DNAJC17: variants seen among roughly 807,000 people sequenced by gnomAD.
DNAJC17 encodes DnaJ heat shock protein family (Hsp40) member C17, also known as dnaJ homolog subfamily C member 17.
Under a neutral mutation model 48.1 loss-of-function variants are expected in DNAJC17, and 35 were observed. That is an observed-to-expected ratio of 0.73 (90% confidence interval 0.56 to 0.96). The LOEUF (loss-of-function observed/expected upper bound fraction) is 0.96, where lower values mean the gene tolerates loss of function less well. Among genes scored for constraint, DNAJC17 ranks in the 50% least tolerant of loss-of-function variants. The pLI, the probability that DNAJC17 is intolerant of heterozygous loss-of-function variation, is 0.00. For missense variants in DNAJC17, 355 were observed against 377.1 expected (o/e 0.94, Z 0.48); for synonymous variants, 117 against 142.7 (o/e 0.82, Z 1.28).
At chr15:40,775,337 A>G in intron 7 of DNAJC17, 1 of 713,114 alleles carries the variant, frequency 1.4e-6, no homozygotes, top group Non-Finnish European at 2.4e-6. Context: ...GAGGGCTTCT[A>G]GAGAATCCTC....
chr15:40,777,884 G>T (rs1486362000), intron 4 of DNAJC17, among the ~76,000 whole-genome samples: 1 of 152,066 alleles, frequency 6.6e-6, no homozygotes, highest in Non-Finnish European at 1.5e-5. Context: ...AAAAATCATT[G>T]AAGTGTACAC....
intron 1 of DNAJC17, among the ~76,000 whole-genome samples, chr15:40,805,031 G>C (rs890399652): frequency 6.6e-6 from 1 of 151,696 alleles, no homozygotes; most frequent in Non-Finnish European, 1.5e-5. Context: ...TTCCCACTTG[G>C]ATCTTTTGTG....
intron 1 of DNAJC17, among the ~76,000 whole-genome samples, chr15:40,791,153 T>C (rs1172766510): frequency 6.6e-6 from 1 of 151,966 alleles, no homozygotes; most frequent in East Asian, 1.9e-4. Context: ...GCCTGGACAA[T>C]GTAGGGAGAC....
At chr15:40,799,459 G>C (rs772943212) in intron 1 of DNAJC17, among the ~76,000 whole-genome samples, 11 of 152,056 alleles carry the variant, frequency 7.2e-5, no homozygotes, top group Non-Finnish European at 1.3e-4. Flanking sequence ...CTTTTGGCCT[G>C]CTAGGTTTGT....
chr15:40,775,636 G>A, intron 6 of DNAJC17, 40 bp from the exon 7 acceptor site: 1 of 1,596,286 alleles, frequency 6.3e-7, no homozygotes, highest in Middle Eastern at 1.7e-4. Context: ...GAATATGAGG[G>A]AGTCAGAGAT....
At chr15:40,780,029 C>A in intron 1 of DNAJC17, 32 bp from the exon 2 acceptor site, 1 of 1,604,552 alleles carries the variant, frequency 6.2e-7, no homozygotes, top group Non-Finnish European at 8.5e-7. Context: ...CATGGCCATT[C>A]ACTCTCATCC....
Position 40,770,476 on chromosome 15 carries a change from T to G in DNAJC17, c.793-2414A>C. 6.5e-7 allele frequency: 1 copy of G among 1,537,704 alleles called. No homozygotes were observed. The highest frequency in any genetic ancestry group is 8.8e-7 in the Non-Finnish European group (1 of 1,141,156). ...CCCTGGCTGCTCCTGAACACCTGTC[T>G]GCTGGCTCCCCTGGGCCCCATGGAG... On this transcript the variant is annotated intron_variant, in intron 10 of 10. Transcript: ENST00000220496. This position sits in a 1 kb window ranked among gnomAD's most constrained non-coding sequence, Gnocchi z 5.0.
In DNAJC17 at chr15:40,775,028, G is replaced by A. The variant is rs199719413; in HGVS notation, c.600+3C>T. 1.9e-5 allele frequency: 31 copies of A among 1,614,046 alleles called. No homozygotes were observed. Among genetic ancestry groups the A allele is most frequent in the South Asian group, 3.3e-5 (3 of 91,084 alleles). ...GGAAAGAGTGGACGTCAACAGGGCC[G>A]ACCTTCTGCAAAAGCCGTAGGAGGA... On this transcript the variant is annotated splice_donor_region_variant and intron_variant, in intron 8 of 10. Coordinates refer to ENST00000220496, the MANE Select transcript of DNAJC17 (RefSeq NM_018163.3).
chr15:40,774,261 G>A (rs1196813410), intron 9 of DNAJC17, 95 bp downstream of exon 9: 1 of 1,397,958 alleles, frequency 7.2e-7, no homozygotes, highest in East Asian at 2.3e-5. Flanking sequence ...TTCCCTAGGA[G>A]TGCAGACCAC....
chr15:40,767,589 G>A lies in DNAJC17; in HGVS notation c.*351C>T, dbSNP rs927421933. Reference sequence around the variant, plus strand: ...CCCTCCTGCTTCGGGCCTGGGCCGAGGGCCTTGTGTAGGCCATGTTCCTCG... The same window carrying A: ...CCCTCCTGCTTCGGGCCTGGGCCGAAGGCCTTGTGTAGGCCATGTTCCTCG... On this transcript the variant is annotated 3_prime_UTR_variant, in exon 11 of 11. Transcript: ENST00000220496. The A allele has an allele frequency of 2.9e-5, 17 of 595,884 alleles. No homozygotes were observed. The South Asian group carries it at 4.0e-4, about 14-fold the overall frequency. The allele number at this position is 595,884 out of a possible 1,614,324, so 36.9% of individuals were successfully genotyped here.
At chr15:40,786,641 C>T (rs907191913) in intron 1 of DNAJC17, among the ~76,000 whole-genome samples, 2 of 152,304 alleles carry the variant, frequency 1.3e-5, no homozygotes, top group Non-Finnish European at 2.9e-5. Flanking sequence ...GTCTCTCTAG[C>T]GCTTAGAAAC....
In DNAJC17 at chr15:40,767,725, G is replaced by T; in HGVS notation, c.*215C>A. 1.5e-6 allele frequency: 1 copy of T among 681,178 alleles called. No homozygotes were observed. The highest frequency in any genetic ancestry group is 2.4e-6 in the Non-Finnish European group (1 of 420,684). 42.2% of individuals were successfully genotyped at this position (681,178 alleles called of 1,614,324 possible). ...TGATGAGTGGCTGCGCCTGTGCTCT[G>T]CTTGTGCACGGACTCTGGGACTCTC... On this transcript the variant is annotated 3_prime_UTR_variant, in exon 11 of 11. Coordinates refer to ENST00000220496, the MANE Select transcript of DNAJC17 (RefSeq NM_018163.3).
chr15:40,789,223 T>A (rs1423915212), intron 1 of DNAJC17, among the ~76,000 whole-genome samples: 1 of 152,134 alleles, frequency 6.6e-6, no homozygotes, highest in East Asian at 1.9e-4. Flanking sequence ...ACACGGAGCC[T>A]GGCCTGCTTC....
intron 1 of DNAJC17, among the ~76,000 whole-genome samples, chr15:40,781,153 GAAA>G (rs11337976): frequency 0.058 from 5,192 of 88,918 alleles, 337 homozygotes; most frequent in African/African-American, 0.2. Context: ...CTCCATCTCA[GAAA>G]AAAAAAAAAA....
intron 1 of DNAJC17, among the ~76,000 whole-genome samples, chr15:40,797,648 G>A (rs1421375790): frequency 1.3e-5 from 2 of 151,278 alleles, no homozygotes; most frequent in African/African-American, 4.9e-5. Flanking sequence ...CTGACCTTGG[G>A]TGATGCACCT....
chr15:40,794,409 T>C (rs1335189981), intron 1 of DNAJC17, among the ~76,000 whole-genome samples: 2 of 151,888 alleles, frequency 1.3e-5, no homozygotes, highest in South Asian at 2.1e-4. Flanking sequence ...CAGTGGCTCA[T>C]GCCTGTAATC....
chr15:40,777,672 C>T (rs550336641), intron 4 of DNAJC17, among the ~76,000 whole-genome samples: 200 of 150,754 alleles, frequency 1.3e-3, no homozygotes, highest in Middle Eastern at 3.6e-3. Context: ...GAGCCGAGAT[C>T]GTGCCACTGC....
At position 40,769,349 on chromosome 15, in the gene DNAJC17, G is replaced by A. The variant is rs865810158; in HGVS notation, c.793-1287C>T. ...CAACACGGCCCGGCCTTCAGCAGCC[G>A]CTCTCCTGGCAGGAGCCCTCTAGGG... On this transcript the variant is annotated intron_variant, in intron 10 of 10. Coordinates refer to ENST00000220496, the MANE Select transcript of DNAJC17 (RefSeq NM_018163.3). The surrounding 1 kb of genome is among the most constrained non-coding windows in gnomAD (Gnocchi z 4.2). 2.0e-5 allele frequency among the ~76,000 whole-genome samples: 3 copies of A among 152,210 alleles called. No homozygotes were observed. The highest frequency in any genetic ancestry group is 2.9e-5 in the Non-Finnish European group (2 of 68,028).
intron 1 of DNAJC17, among the ~76,000 whole-genome samples, chr15:40,796,007 C>T (rs1182717054): frequency 6.6e-6 from 1 of 152,260 alleles, no homozygotes; most frequent in Non-Finnish European, 1.5e-5. Context: ...GACTTCCTAC[C>T]TACCGGGTGG....
Sources: gnomAD v4.1 joint callset for allele counts (sites outside exome capture counted in the v4.1 genomes callset) on GRCh38, gnomAD v4.1.1 for gene constraint, Gnocchi (gnomAD v3.1) non-coding constraint, MANE v1.5 for transcripts, NCBI Gene and HGNC (gene_info 2026-07-23, HGNC 2026-07-21) for gene names.